NFIC: variants seen among roughly 807,000 people sequenced by gnomAD.
The protein encoded by NFIC is nuclear factor I C, also known as nuclear factor 1 C-type.
Under a neutral mutation model 54.4 loss-of-function variants are expected in NFIC, and 12 were observed. That is an observed-to-expected ratio of 0.22 (90% CI 0.14 to 0.36). The LOEUF (loss-of-function observed/expected upper bound fraction) is 0.36, where lower values mean the gene tolerates loss of function less well. Ranked by LOEUF, NFIC falls within the 10% of genes least tolerant of loss-of-function variation. The probability of loss-of-function intolerance (pLI) is 1.00; values close to 1 mark genes in which losing one functional copy is unlikely to be tolerated. For synonymous variants in NFIC, 322 were observed against 319.2 expected (o/e 1.01, Z -0.09); for missense variants, 575 against 718.2 (o/e 0.80, Z 2.28).
At chr19:3,423,988 A>C (rs1201275677) in intron 2 of NFIC, among the ~76,000 whole-genome samples, 1 of 152,130 alleles carries the variant, frequency 6.6e-6, no homozygotes, top group African/African-American at 2.4e-5. Flanking sequence ...GGGCTGAATG[A>C]CTGAACCTCA....
At chr19:3,416,340 T>A (rs2081854021) in intron 2 of NFIC, among the ~76,000 whole-genome samples, 1 of 149,512 alleles carries the variant, frequency 6.7e-6, no homozygotes, top group South Asian at 2.1e-4. Flanking sequence ...TACATAGGTA[T>A]ATAAAGTATA....
chr19:3,423,477 G>A (rs947171744), intron 2 of NFIC, among the ~76,000 whole-genome samples: 6 of 151,964 alleles, frequency 3.9e-5, no homozygotes, highest in African/African-American at 7.2e-5. Context: ...GGCTTTCGAC[G>A]TTGGTTGCTG....
At chr19:3,416,680 G>A (rs1303353794) in intron 2 of NFIC, among the ~76,000 whole-genome samples, 2 of 151,040 alleles carry the variant, frequency 1.3e-5, no homozygotes, top group Admixed American at 6.6e-5. Flanking sequence ...ATGTGCCACC[G>A]TGCCCGGCTA....
chr19:3,403,965 G>A (rs2081598708), intron 2 of NFIC, among the ~76,000 whole-genome samples: 2 of 152,276 alleles, frequency 1.3e-5, no homozygotes, highest in South Asian at 2.1e-4. Flanking sequence ...GCCCGTGTGT[G>A]CGCTCAGCCA....
In NFIC at chr19:3,463,965, A is replaced by G. The variant is rs1318678878; in HGVS notation, c.*1196A>G. The G allele has an allele frequency of 1.0e-6, 1 of 959,702 alleles. No individual in the cohort carries two copies. Among genetic ancestry groups the G allele is most frequent in the Non-Finnish European group, 1.2e-6 (1 of 822,524 alleles). The allele number at this position is 959,702 out of a possible 1,614,324, so 59.4% of individuals were successfully genotyped here. A position where few individuals can be genotyped will look rare whatever the true frequency, so the allele number is the denominator to read the frequency against. On this transcript the variant is annotated 3_prime_UTR_variant, in exon 11 of 11. Transcript: ENST00000443272. ...TCAACCCTCATCGCCGTGCCCCCCC[A>G]GAGCTAGAGAGATGGGGCCCCTGCG...
At chr19:3,360,265 G>A (rs1383784126) in intron 1 of NFIC, among the ~76,000 whole-genome samples, 1 of 145,734 alleles carries the variant, frequency 6.9e-6, no homozygotes, top group Non-Finnish European at 1.5e-5. Flanking sequence ...CCGGGCGGGC[G>A]GCCGCGCTCG....
rs886613373 is a variant in NFIC, at chr19:3,463,682, A to G, written c.*913A>G. On this transcript the variant is annotated 3_prime_UTR_variant, in exon 11 of 11. Coordinates refer to ENST00000443272, the MANE Select transcript of NFIC (RefSeq NM_001245002.2). Reference sequence around the variant, plus strand: ...CCACCTCGCCCGGCTCACACCCCCAAAGGGAGGGACCCACATTGCACACAC... The same window carrying G: ...CCACCTCGCCCGGCTCACACCCCCAGAGGGAGGGACCCACATTGCACACAC... 78 of 927,990 alleles carry G rather than the reference A, an allele frequency of 8.4e-5. No individual in the cohort carries two copies. In the East Asian group the frequency reaches 1.7e-3, roughly 20 times the overall value. The allele number at this position is 927,990 out of a possible 1,614,324, so 57.5% of individuals were successfully genotyped here. A position where few individuals can be genotyped will look rare whatever the true frequency, so the allele number is the denominator to read the frequency against.
intron 2 of NFIC, among the ~76,000 whole-genome samples, chr19:3,403,628 C>T (rs547317726): frequency 1.3e-5 from 2 of 152,330 alleles, no homozygotes; most frequent in African/African-American, 4.8e-5. Flanking sequence ...CACACAGCAC[C>T]GGGCAGGCCT....
chr19:3,376,191 G>A (rs774934863), intron 1 of NFIC, among the ~76,000 whole-genome samples: 32 of 151,912 alleles, frequency 2.1e-4, no homozygotes, highest in Non-Finnish European at 4.4e-4. Flanking sequence ...CATCTTAGAG[G>A]GGCCGAGGCG....
At chr19:3,438,523 C>T (rs1044553259) in intron 6 of NFIC, among the ~76,000 whole-genome samples, 23 of 151,534 alleles carry the variant, frequency 1.5e-4, no homozygotes, top group African/African-American at 4.6e-4. Context: ...CTGCAAGCTC[C>T]GCTTCCCGGG....
chr19:3,444,106 T>C (rs1484024638), intron 6 of NFIC, among the ~76,000 whole-genome samples: 1 of 132,342 alleles, frequency 7.6e-6, no homozygotes, highest in African/African-American at 2.7e-5. Context: ...TTTTGTCAAA[T>C]ACAAAGAGGA....
At chr19:3,371,510 T>A (rs1463983108) in intron 1 of NFIC, 1 of 151,906 alleles carries the variant, frequency 6.6e-6, no homozygotes, top group African/African-American at 2.4e-5. Context: ...AATGAATGAA[T>A]GAATGAATGT....
chr19:3,410,240 C>G (rs2081732919), intron 2 of NFIC, among the ~76,000 whole-genome samples: 1 of 152,078 alleles, frequency 6.6e-6, no homozygotes, highest in Non-Finnish European at 1.5e-5. Flanking sequence ...CGGGGTTTTA[C>G]CGTGTTAGCT....
chr19:3,399,687 C>T (rs557135434), intron 2 of NFIC, among the ~76,000 whole-genome samples: 2 of 152,288 alleles, frequency 1.3e-5, no homozygotes, highest in African/African-American at 2.4e-5. Flanking sequence ...GCCTGGCCAA[C>T]AAGGGGAAAC....
chr19:3,431,110 T>A (rs2082113509), intron 3 of NFIC, among the ~76,000 whole-genome samples: 1 of 151,898 alleles, frequency 6.6e-6, no homozygotes, highest in Non-Finnish European at 1.5e-5. Context: ...GAAGTCTCAC[T>A]CTGATGCCCA....
chr19:3,417,624 CTTTTTTT>C (rs757954619), intron 2 of NFIC, among the ~76,000 whole-genome samples: 4 of 121,642 alleles, frequency 3.3e-5, no homozygotes, highest in East Asian at 2.2e-4. Flanking sequence ...TTTTTCTTTT[CTTTTTTT>C]TTTTTTTTTT....
At chr19:3,366,418 A>G, upstream of NFIC, 1 of 474,504 alleles carries the variant, frequency 2.1e-6, no homozygotes, top group Non-Finnish European at 3.7e-6. Context: ...AGGAAGAGAG[A>G]GACGGAGGGA....
At chr19:3,366,153 TC>T (rs1001019579), upstream of NFIC, among the ~76,000 whole-genome samples, 6 of 150,416 alleles carry the variant, frequency 4.0e-5, no homozygotes, top group South Asian at 4.2e-4. Context: ...AACAACCCTG[TC>T]CCCCCTCTCC....
chr19:3,359,855 TC>T (rs1026963228), intron 1 of NFIC, among the ~76,000 whole-genome samples: 3 of 145,374 alleles, frequency 2.1e-5, no homozygotes, highest in Non-Finnish European at 3.0e-5. Context: ...CTACCCACGA[TC>T]CCCCCCCGCA....
Sources: allele counts gnomAD v4.1 joint callset (sites outside exome capture counted in the v4.1 genomes callset), GRCh38; gene constraint gnomAD v4.1.1; transcripts MANE v1.5; gene names NCBI Gene and HGNC (gene_info 2026-07-23, HGNC 2026-07-21).